RBP5: variants seen among roughly 807,000 people sequenced by gnomAD.
RBP5 encodes retinol binding protein 5.
Under a neutral mutation model 17.8 loss-of-function variants are expected in RBP5, and 12 were observed. The ratio of observed to expected loss-of-function variants is 0.67; its 90% CI spans 0.43 to 1.09. The LOEUF (loss-of-function observed/expected upper bound fraction) is 1.09, where lower values mean the gene tolerates loss of function less well. Among genes scored for constraint, RBP5 ranks in the 50% least tolerant of loss-of-function variants. The probability of loss-of-function intolerance (pLI) is 0.00; values close to 1 mark genes in which losing one functional copy is unlikely to be tolerated. For missense variants in RBP5, 172 were observed against 169.4 expected (o/e 1.02, Z -0.09); for synonymous variants, 64 against 68.1 (o/e 0.94, Z 0.30).
rs1939210832 is a variant in RBP5, at chr12:7,128,327, G to A, written c.165C>T (p.Leu55=). ...GCACAGTGTAGTTTCGGAAGGTGCT[G>A]AGCGTCCTCACCGTCATGTGGTTGC... ...HQGNHMTVRT[L]STFRNYTVQF... is the part of the protein sequence containing the mutation. Residue 55 remains leucine, a synonymous_variant, in exon 2 of 4, where the codon CTC becomes CTT. Transcript: ENST00000266560. This position sits in a 1 kb window ranked among gnomAD's most constrained non-coding sequence, Gnocchi z 5.3. 1.9e-6 allele frequency: 3 copies of A among 1,613,942 alleles called. No individual in the cohort carries two copies. The highest frequency in any genetic ancestry group is 2.5e-6 in the Non-Finnish European group (3 of 1,179,956).
downstream of RBP5, chr12:7,123,655 G>A (rs2290239): frequency 0.69 from 108,287 of 156,080 alleles, 37,780 homozygotes; most frequent in East Asian, 0.76. Context: ...CTTTCTCAAG[G>A]ATAAGGACAA....
intron 3 of RBP5, chr12:7,118,422 G>A (rs1334490331): frequency 6.6e-6 from 1 of 152,174 alleles, no homozygotes; most frequent in Non-Finnish European, 1.5e-5. Context: ...TTCGCCTGAG[G>A]TTACACGACT....
downstream of RBP5, among the ~76,000 whole-genome samples, chr12:7,123,183 C>T (rs1939105582): frequency 6.6e-6 from 1 of 152,174 alleles, no homozygotes; most frequent in Admixed American, 6.5e-5. Context: ...TGACCCTGAG[C>T]CAGCTCCACC....
Position 7,124,121 on chromosome 12 carries a change from C to T in RBP5, c.408G>A (p.Ter136=), listed in dbSNP as rs370678382. 5 of 1,613,914 alleles carry T rather than the reference C, an allele frequency of 3.1e-6. No individual in the cohort carries two copies. The African/African-American group carries it at 6.7e-5, about 22-fold the overall frequency. Residue 136 remains the stop codon, a stop_retained_variant, in exon 4 of 4, where the codon TAG becomes TAA. Coordinates refer to ENST00000266560, the MANE Select transcript of RBP5 (RefSeq NM_031491.4). This position sits in a 1 kb window ranked among gnomAD's most constrained non-coding sequence, Gnocchi z 5.3. ...VCEQVFRKVR[*] ...TGGAGGGATCTTGGCTCCTCTCCGG[C>T]TATCTGACCTTCCTGAAGACCTGCT... is the stretch of plus-strand genomic sequence containing the variant.
At chr12:7,116,050 G>A (rs1225842419) in exon 4 of RBP5, 1 of 152,164 alleles carries the variant, frequency 6.6e-6, no homozygotes, top group African/African-American at 2.4e-5. Flanking sequence ...ATGAGATTTG[G>A]TTGGGGACAT....
chr12:7,116,113 C>T (rs1939001768), exon 4 of RBP5: 1 of 152,200 alleles, frequency 6.6e-6, no homozygotes, highest in African/African-American at 2.4e-5. Context: ...TTAGATATGG[C>T]ACAACCTGAT....
chr12:7,124,318 C>G lies in RBP5; in HGVS notation c.355-144G>C. On this transcript the variant is annotated intron_variant, in intron 3 of 3. Coordinates refer to ENST00000266560, the MANE Select transcript of RBP5 (RefSeq NM_031491.4). This position sits in a 1 kb window ranked among gnomAD's most constrained non-coding sequence, Gnocchi z 5.3. ...ATGTATGGGCAATTGTATCATTATT[C>G]CACATCCTCAACTTTCCACCCCTCA... 4.0e-6 allele frequency: 3 copies of G among 747,388 alleles called. No individual in the cohort carries two copies. 46.3% of individuals were successfully genotyped at this position (747,388 alleles called of 1,614,324 possible). A position where few individuals can be genotyped will look rare whatever the true frequency, so the allele number is the denominator to read the frequency against.
chr12:7,123,939 A>G lies in RBP5; in HGVS notation c.*182T>C. 1 of 608,870 alleles carries G rather than the reference A, an allele frequency of 1.6e-6. No individual in the cohort carries two copies. Among genetic ancestry groups the G allele is most frequent in the Non-Finnish European group, 3.0e-6 (1 of 337,506 alleles). 37.7% of individuals were successfully genotyped at this position (608,870 alleles called of 1,614,324 possible). A position where few individuals can be genotyped will look rare whatever the true frequency, so the allele number is the denominator to read the frequency against. The stretch of plus-strand genomic sequence containing the variant: ...ACTATTGGGCAGTGGAGTGTGAGAA[A>G]GGACTTTGGCCTGGGGGCTGCAAGT... On this transcript the variant is annotated 3_prime_UTR_variant, in exon 4 of 4. Coordinates refer to ENST00000266560, the MANE Select transcript of RBP5 (RefSeq NM_031491.4).
chr12:7,124,034 T>C lies in RBP5; in HGVS notation c.*87A>G. On this transcript the variant is annotated 3_prime_UTR_variant, in exon 4 of 4. Coordinates refer to ENST00000266560, the MANE Select transcript of RBP5 (RefSeq NM_031491.4). The surrounding 1 kb of genome is among the most constrained non-coding windows in gnomAD (Gnocchi z 5.3). ...AAAGGTGGCCAGAGGAAGGGACAGCTGACCTGGCACAATCTGGGCTTGAAG... is the reference window on the plus strand; with the variant it reads ...AAAGGTGGCCAGAGGAAGGGACAGCCGACCTGGCACAATCTGGGCTTGAAG... 1 of 1,314,256 alleles carries C rather than the reference T, an allele frequency of 7.6e-7. No homozygotes were observed. 81.4% of individuals were successfully genotyped at this position (1,314,256 alleles called of 1,614,324 possible). A position where few individuals can be genotyped will look rare whatever the true frequency, so the allele number is the denominator to read the frequency against.
rs35192306 is a variant in RBP5, at chr12:7,128,330, C to T, written c.162G>A (p.Thr54=). The T allele has an allele frequency of 5.3e-4, 858 of 1,614,022 alleles. 6 individuals are homozygous for T. In the African/African-American group the frequency reaches 9.3e-3, roughly 17 times the overall value. Residue 54 remains threonine, a synonymous_variant, in exon 2 of 4, where the codon ACG becomes ACA. Transcript: ENST00000266560. This position sits in a 1 kb window ranked among gnomAD's most constrained non-coding sequence, Gnocchi z 5.3. ...EHQGNHMTVR[T]LSTFRNYTVQ... is the part of the protein sequence containing the mutation. ...CAGTGTAGTTTCGGAAGGTGCTGAGCGTCCTCACCGTCATGTGGTTGCCCT... is the reference window on the plus strand; with the variant it reads ...CAGTGTAGTTTCGGAAGGTGCTGAGTGTCCTCACCGTCATGTGGTTGCCCT...
At chr12:7,122,231 C>T (rs772741404), downstream of RBP5, 2 of 152,320 alleles carry the variant, frequency 1.3e-5, no homozygotes, top group East Asian at 3.9e-4. Context: ...ACAGCGGTCC[C>T]CTCCCCTCTG....
intron 2 of RBP5, chr12:7,127,731 G>A (rs1406368291): frequency 1.4e-6 from 1 of 702,262 alleles, no homozygotes; most frequent in African/African-American, 1.7e-5. Flanking sequence ...GGAAGCAGAA[G>A]GCATGGGTGT....
chr12:7,122,541 A>T (rs3813734), downstream of RBP5: 44,856 of 152,214 alleles, frequency 0.29, 7,150 homozygotes, highest in Admixed American at 0.41. Flanking sequence ...ATGGGGGCCT[A>T]CAAGTTCCTG....
At chr12:7,126,114 C>T (rs1173898906) in intron 2 of RBP5, among the ~76,000 whole-genome samples, 1 of 150,760 alleles carries the variant, frequency 6.6e-6, no homozygotes, top group African/African-American at 2.4e-5. Context: ...TTTCAGGCAC[C>T]AGGAAATGAA....
chr12:7,118,429 G>A (rs1939033837), intron 3 of RBP5: 1 of 152,158 alleles, frequency 6.6e-6, no homozygotes, highest in Non-Finnish European at 1.5e-5. Flanking sequence ...GAGGTTACAC[G>A]ACTCCTCGAG....
rs748140614 is a variant in RBP5 at position 7,124,706 on chromosome 12, G to C, written c.277C>G (p.His93Asp). 4 of 1,611,834 alleles carry C rather than the reference G, an allele frequency of 2.5e-6. No individual in the cohort carries two copies. In the African/African-American group the frequency reaches 4.0e-5, roughly 16 times the overall value. The change falls in exon 3 of 4, where the codon CAC becomes GAC. Residue 93 changes from histidine to aspartate, a missense_variant. Coordinates refer to ENST00000266560, the MANE Select transcript of RBP5 (RefSeq NM_031491.4). The surrounding 1 kb of genome is among the most constrained non-coding windows in gnomAD (Gnocchi z 5.3). Reference protein sequence around the residue: ...CQTIVTWEEEHLVCVQKGEVP... With the variant: ...CQTIVTWEEEDLVCVQKGEVP... ...TCCCCTTTCTGCACACACACCAGGT[G>C]CTCCTCCTCCCAGGTTACTATGGTC...
Position 7,128,684 on chromosome 12 carries a change from G to T in RBP5, c.73+19C>A. The T allele has an allele frequency of 6.3e-7, 1 of 1,574,946 alleles. No homozygotes were observed. The highest frequency in any genetic ancestry group is 8.6e-7 in the Non-Finnish European group (1 of 1,156,186). ...GGGAGAAAGGGAGTGACAGGGGTCT[G>T]GGAGGGCGAGGCCATTACTTAGGGC... On this transcript the variant is annotated intron_variant, in intron 1 of 3. Transcript: ENST00000266560. The surrounding 1 kb of genome is among the most constrained non-coding windows in gnomAD (Gnocchi z 5.3).
chr12:7,121,027 CAAA>C (rs111568025), downstream of RBP5: 11 of 91,968 alleles, frequency 1.2e-4, no homozygotes, highest in East Asian at 2.6e-4. Flanking sequence ...GATTCTGTCT[CAAA>C]AAAAAAAAAA....
At chr12:7,129,709 G>A (rs1489245359), upstream of RBP5, 1 of 985,530 alleles carries the variant, frequency 1.0e-6, no homozygotes, top group Non-Finnish European at 1.2e-6. The surrounding 1 kb of genome is among the most constrained non-coding windows in gnomAD (Gnocchi z 5.5). Flanking sequence ...ATTCTCTCTC[G>A]AACCTGCCAT....
Sources: gnomAD v4.1 joint callset for allele counts (sites outside exome capture counted in the v4.1 genomes callset) on GRCh38, gnomAD v4.1.1 for gene constraint, Gnocchi (gnomAD v3.1) non-coding constraint, MANE v1.5 for transcripts, NCBI Gene and HGNC (gene_info 2026-07-23, HGNC 2026-07-21) for gene names.